Variants in SLC2A14 observed in about 807,000 individuals in gnomAD.
SLC2A14 encodes the protein solute carrier family 2 member 14.
A neutral mutation model predicts 43.0 loss-of-function variants in SLC2A14; 13 were observed. That is an observed-to-expected ratio of 0.30 (90% confidence interval 0.20 to 0.48). The LOEUF is 0.48. Among genes scored for constraint, SLC2A14 ranks in the 20% least tolerant of loss-of-function variants. The pLI is 0.99. For missense variants in SLC2A14, 428 were observed against 620.4 expected, an observed-to-expected ratio of 0.69 and a Z score of 3.29; for synonymous variants, 190 against 233.8, an observed-to-expected ratio of 0.81 and a Z score of 1.71.
chr12:7,883,207 C>T (rs2121113629), intron 1 of SLC2A14, among the ~76,000 whole-genome samples: 1 of 151,242 alleles, frequency 6.6e-6, no homozygotes, highest in East Asian at 1.9e-4. Flanking sequence ...AAGTCTCAGT[C>T]TCAAAAAACA....
chr12:7,849,425 G>A (rs1866738563), intron 2 of SLC2A14, among the ~76,000 whole-genome samples: 1 of 151,980 alleles, frequency 6.6e-6, no homozygotes, highest in Non-Finnish European at 1.5e-5. Context: ...GATCATTCAA[G>A]CTCTGGAGGT....
chr12:7,822,281 C>T (rs901352671), intron 7 of SLC2A14, among the ~76,000 whole-genome samples: 2 of 151,782 alleles, frequency 1.3e-5, no homozygotes, highest in Non-Finnish European at 2.9e-5. Flanking sequence ...TTTAAATGTT[C>T]TCAATTTTAG....
At chr12:7,881,488 G>T (rs920538150) in intron 1 of SLC2A14, among the ~76,000 whole-genome samples, 1 of 152,102 alleles carries the variant, frequency 6.6e-6, no homozygotes, top group Non-Finnish European at 1.5e-5. Flanking sequence ...CGCTGCACTC[G>T]ATTTCTCCCC....
At position 7,839,594 on chromosome 12, in the gene SLC2A14, A is replaced by G. The variant is rs781008475; in HGVS notation, c.19-6780T>C. On this transcript the variant is annotated intron_variant, in intron 2 of 10. Transcript: ENST00000431042. ...ATGACATCAGTTGATTCGTGTTTTT[A>G]AAAAAGTATGTGCTGTTGAATGGAG... The G allele has an allele frequency of 3.1e-3, 851 of 272,796 alleles. 10 individuals are homozygous for G. Among genetic ancestry groups the G allele is most frequent in the African/African-American group, 0.018 (766 of 42,848 alleles). 16.9% of individuals were successfully genotyped at this position (272,796 alleles called of 1,614,324 possible).
chr12:7,874,677 A>G (rs1945381330), upstream of SLC2A14, among the ~76,000 whole-genome samples: 4 of 145,790 alleles, frequency 2.7e-5, no homozygotes, highest in African/African-American at 1.0e-4. Context: ...ATCTCAAAAA[A>G]ATATATAAAT....
At chr12:7,885,760 G>A (rs1004965928) in intron 1 of SLC2A14, among the ~76,000 whole-genome samples, 12 of 151,996 alleles carry the variant, frequency 7.9e-5, no homozygotes, top group Middle Eastern at 3.2e-3. Context: ...AGTAGGTCTC[G>A]TGTGATGCCC....
At chr12:7,863,139 A>G (rs1944685570) in intron 2 of SLC2A14, among the ~76,000 whole-genome samples, 1 of 152,098 alleles carries the variant, frequency 6.6e-6, no homozygotes, top group Non-Finnish European at 1.5e-5. Context: ...CTCTCACCGC[A>G]AAGGTCTGCA....
chr12:7,883,185 G>A (rs1945618031), intron 1 of SLC2A14, among the ~76,000 whole-genome samples: 1 of 151,816 alleles, frequency 6.6e-6, no homozygotes, highest in Admixed American at 6.6e-5. Flanking sequence ...CTCCAGTCTG[G>A]GTGACAAAAG....
At chr12:7,834,523 T>G (rs982544630) in intron 2 of SLC2A14, among the ~76,000 whole-genome samples, 2 of 112,206 alleles carry the variant, frequency 1.8e-5, no homozygotes, top group Non-Finnish European at 3.6e-5. Context: ...AGACCCCTTC[T>G]CTCTCTCTTT....
intron 1 of SLC2A14, among the ~76,000 whole-genome samples, chr12:7,884,320 T>A (rs1243143990): frequency 6.6e-6 from 1 of 152,140 alleles, no homozygotes. Flanking sequence ...CTCTTGCTCC[T>A]TCTTCCTCCA....
At chr12:7,877,354 G>A (rs141540113), upstream of SLC2A14, among the ~76,000 whole-genome samples, 221 of 152,172 alleles carry the variant, frequency 1.5e-3, 1 homozygote, top group African/African-American at 4.6e-3. Context: ...TGTTACCTAG[G>A]CTGGAGTGCA....
chr12:7,881,665 A>G lies in SLC2A14; in HGVS notation c.132+9331T>C, dbSNP rs1054090120. 2.0e-5 allele frequency among the ~76,000 whole-genome samples: 3 copies of G among 152,288 alleles called. 1 individual carries two copies. The Middle Eastern group carries it at 0.01, about 518-fold the overall frequency. ...CCCAAGGGCTGAGGAGTGTGGGCGC[A>G]GGGTGCGGGACTGGCAGACAGCTCC... On this transcript the variant is annotated intron_variant, in intron 1 of 9. Transcript: ENST00000539924.
intron 2 of SLC2A14, among the ~76,000 whole-genome samples, chr12:7,860,182 C>G (rs953403579): frequency 4.6e-5 from 7 of 152,078 alleles, no homozygotes; most frequent in African/African-American, 1.7e-4. Context: ...AGAATTAGCA[C>G]AGGTACAGCT....
chr12:7,830,396 C>T (rs941837705), intron 4 of SLC2A14, among the ~76,000 whole-genome samples: 2 of 152,124 alleles, frequency 1.3e-5, no homozygotes, highest in Non-Finnish European at 2.9e-5. Flanking sequence ...CATGATCCAC[C>T]CACCTCGGCC....
chr12:7,823,499 G>A (rs1864101374), intron 7 of SLC2A14, among the ~76,000 whole-genome samples: 1 of 152,264 alleles, frequency 6.6e-6, no homozygotes, highest in East Asian at 1.9e-4. Flanking sequence ...AAGGCGGGCA[G>A]ATCACCTTAG....
At chr12:7,881,583 C>T (rs1448005156) in intron 1 of SLC2A14, among the ~76,000 whole-genome samples, 2 of 152,148 alleles carry the variant, frequency 1.3e-5, no homozygotes, top group African/African-American at 2.4e-5. Flanking sequence ...TCCGTGGGCT[C>T]CTGAGCCTCC....
chr12:7,815,579 T>G (rs1863365719), intron 10 of SLC2A14, among the ~76,000 whole-genome samples: 1 of 152,210 alleles, frequency 6.6e-6, no homozygotes, highest in African/African-American at 2.4e-5. Context: ...AGTTTTGTTT[T>G]GTTTTGTTTT....
At chr12:7,890,005 C>T (rs1382239167) in intron 1 of SLC2A14, among the ~76,000 whole-genome samples, 8 of 152,196 alleles carry the variant, frequency 5.3e-5, no homozygotes, top group South Asian at 2.1e-4. Context: ...TCACTCTCGC[C>T]ACCATTTTGG....
chr12:7,860,492 G>C (rs1365013187), intron 2 of SLC2A14: 1 of 152,078 alleles, frequency 6.6e-6, no homozygotes, highest in Admixed American at 6.6e-5. Flanking sequence ...ATAATTCACT[G>C]AATGAGGATT....
Sources: allele counts gnomAD v4.1 joint callset (sites outside exome capture counted in the v4.1 genomes callset), GRCh38; gene constraint gnomAD v4.1.1; transcripts MANE v1.5; gene names NCBI Gene and HGNC (gene_info 2026-07-23, HGNC 2026-07-21).